The following ADK variants were observed in gnomAD, a reference collection of about 807,000 sequenced individuals.
ADK encodes N6,N6-dimethyladenosine kinase.
ADK carries 24 observed loss-of-function variants against 44.7 expected under a neutral mutation model. The ratio of observed to expected loss-of-function variants is 0.54; its 90% CI spans 0.39 to 0.76. The LOEUF (loss-of-function observed/expected upper bound fraction) is 0.76. Ranked by LOEUF, ADK falls within the 30% of genes least tolerant of loss-of-function variation. The probability of loss-of-function intolerance (pLI) is 0.00; values close to 1 mark genes in which losing one functional copy is unlikely to be tolerated. For missense variants in ADK, 321 were observed against 425.1 expected, an observed-to-expected ratio of 0.76 and a Z score of 2.15; for synonymous variants, 128 against 142.6, an observed-to-expected ratio of 0.90 and a Z score of 0.73.
intron 7 of ADK, among the ~76,000 whole-genome samples, chr10:74,542,988 C>T (rs530871929): frequency 6.6e-6 from 1 of 151,946 alleles, no homozygotes; most frequent in Non-Finnish European, 1.5e-5. Flanking sequence ...GCAACTTCCA[C>T]TTCCCGGGTT....
chr10:74,420,864 G>C (rs986203432), intron 6 of ADK, among the ~76,000 whole-genome samples: 1 of 151,966 alleles, frequency 6.6e-6, no homozygotes, highest in African/African-American at 2.4e-5. Flanking sequence ...AGTTATTTCA[G>C]GTATTGAAAT....
At chr10:74,459,747 A>G (rs1444312432) in intron 6 of ADK, among the ~76,000 whole-genome samples, 5 of 151,368 alleles carry the variant, frequency 3.3e-5, no homozygotes, top group Non-Finnish European at 2.9e-5. Context: ...AAAAAAGAAA[A>G]AAAAGAAAGG....
At chr10:74,422,179 A>G (rs1844577834) in intron 6 of ADK, among the ~76,000 whole-genome samples, 1 of 152,224 alleles carries the variant, frequency 6.6e-6, no homozygotes, top group African/African-American at 2.4e-5. Flanking sequence ...GCTGATGTGA[A>G]GAGGTGGAAA....
At chr10:74,463,639 T>C (rs1218493962) in intron 6 of ADK, among the ~76,000 whole-genome samples, 3 of 152,216 alleles carry the variant, frequency 2.0e-5, no homozygotes, top group African/African-American at 7.2e-5. Context: ...CATGGATTTG[T>C]ATCCGTCCAT....
chr10:74,696,067 C>T (rs1485071914), intron 10 of ADK, among the ~76,000 whole-genome samples: 2 of 152,086 alleles, frequency 1.3e-5, no homozygotes, highest in African/African-American at 4.8e-5. Flanking sequence ...GTTACCCAGG[C>T]TGGAATACAG....
intron 6 of ADK, among the ~76,000 whole-genome samples, chr10:74,470,631 T>G (rs2133291829): frequency 2.5e-5 from 1 of 39,428 alleles, no homozygotes; most frequent in East Asian, 4.0e-4. Context: ...CAATTTTTCA[T>G]TTGGATTCTT....
chr10:74,708,358 T>G lies in ADK; in HGVS notation c.1002T>G (p.Thr334=). 1 of 1,612,522 alleles carries G rather than the reference T, an allele frequency of 6.2e-7. No homozygotes were observed. Among genetic ancestry groups the G allele is most frequent in the Non-Finnish European group, 8.5e-7 (1 of 1,179,500 alleles). Reference sequence around the variant, plus strand: ...AACTGGTCTCTGACAAGCCTCTGACTGAATGTATCCGTGCTGGCCACTATG... The same window carrying G: ...AACTGGTCTCTGACAAGCCTCTGACGGAATGTATCCGTGCTGGCCACTATG... ...LSQLVSDKPL[T]ECIRAGHYAA... is the part of the protein sequence containing the mutation. Residue 334 remains threonine, a synonymous_variant, in exon 11 of 11, where the codon ACT becomes ACG. Coordinates refer to ENST00000539909, the MANE Select transcript of ADK (RefSeq NM_006721.4).
At chr10:74,358,610 T>C (rs745331865) in intron 4 of ADK, among the ~76,000 whole-genome samples, 8 of 152,210 alleles carry the variant, frequency 5.3e-5, no homozygotes, top group Non-Finnish European at 5.9e-5. Context: ...TATATTCTCA[T>C]AGTGATGTAG....
At chr10:74,583,574 G>A (rs756335525) in intron 7 of ADK, among the ~76,000 whole-genome samples, 17 of 152,014 alleles carry the variant, frequency 1.1e-4, no homozygotes, top group Non-Finnish European at 2.1e-4. Flanking sequence ...TTTGGTTTTT[G>A]TTGTCTTGCT....
intron 4 of ADK, among the ~76,000 whole-genome samples, chr10:74,388,323 A>G (rs1464762162): frequency 6.6e-6 from 1 of 152,064 alleles, no homozygotes; most frequent in Non-Finnish European, 1.5e-5. Flanking sequence ...ACACCCACAT[A>G]CCTCCTGACC....
intron 7 of ADK, among the ~76,000 whole-genome samples, chr10:74,573,863 C>T (rs376207624): frequency 3.2e-4 from 48 of 152,312 alleles, no homozygotes; most frequent in African/African-American, 8.7e-4. Context: ...GTTGGAAAAG[C>T]GCAGTATTGA....
At chr10:74,394,890 C>G (rs1374322790) in intron 5 of ADK, among the ~76,000 whole-genome samples, 1 of 151,874 alleles carries the variant, frequency 6.6e-6, no homozygotes, top group Non-Finnish European at 1.5e-5. Flanking sequence ...TTCTATACAC[C>G]CTTACTTATT....
At chr10:74,434,767 C>A (rs950778875) in intron 6 of ADK, among the ~76,000 whole-genome samples, 2 of 152,050 alleles carry the variant, frequency 1.3e-5, no homozygotes, top group Non-Finnish European at 2.9e-5. Flanking sequence ...TTGAGTGACT[C>A]CATTTTGGTT....
At chr10:74,181,357 CT>C (rs2132083744) in intron 1 of ADK, among the ~76,000 whole-genome samples, 1 of 151,926 alleles carries the variant, frequency 6.6e-6, no homozygotes, top group African/African-American at 2.4e-5. Context: ...CATTTGTATT[CT>C]ATTCTACTTA....
At chr10:74,568,037 C>T (rs372663293) in intron 7 of ADK, among the ~76,000 whole-genome samples, 1 of 152,078 alleles carries the variant, frequency 6.6e-6, no homozygotes, top group Admixed American at 6.6e-5. Flanking sequence ...CAGTGTAGTA[C>T]AAGCTTGTCC....
chr10:74,407,143 GAC>G (rs1371625494), intron 6 of ADK, among the ~76,000 whole-genome samples: 1 of 151,930 alleles, frequency 6.6e-6, no homozygotes, highest in Non-Finnish European at 1.5e-5. Context: ...TTTCTCTAGA[GAC>G]AGGTTTTGCT....
chr10:74,450,284 C>T lies in ADK; in HGVS notation c.555+51705C>T, dbSNP rs537561407. ...CTGTGATCGTATCTCTGCACTTCAG[C>T]CTGTGTGACAGAGTGAGACTTTTTC... On this transcript the variant is annotated intron_variant, in intron 6 of 10. Coordinates refer to ENST00000539909, the MANE Select transcript of ADK (RefSeq NM_006721.4). 8.5e-5 allele frequency among the ~76,000 whole-genome samples: 13 copies of T among 152,250 alleles called. No homozygotes were observed. In the South Asian group the frequency reaches 2.7e-3, roughly 32 times the overall value.
At chr10:74,612,576 G>A (rs1042658911) in intron 9 of ADK, among the ~76,000 whole-genome samples, 15 of 152,094 alleles carry the variant, frequency 9.9e-5, no homozygotes, top group African/African-American at 3.6e-4. Flanking sequence ...CTCCTAATCT[G>A]TAGGCTGTCT....
intron 9 of ADK, among the ~76,000 whole-genome samples, chr10:74,639,003 T>G (rs899950751): frequency 4.6e-5 from 7 of 152,102 alleles, no homozygotes; most frequent in Non-Finnish European, 1.0e-4. Context: ...GAGACAGGGT[T>G]TCATCATATT....
Sources: gnomAD v4.1 joint callset for allele counts (sites outside exome capture counted in the v4.1 genomes callset) on GRCh38, gnomAD v4.1.1 for gene constraint, MANE v1.5 for transcripts, NCBI Gene and HGNC (gene_info 2026-07-23, HGNC 2026-07-21) for gene names.